The following HMOX2 variants were observed in gnomAD, a reference collection of about 807,000 sequenced individuals.
The protein encoded by HMOX2 is heme oxygenase (decycling) 2.
A neutral mutation model predicts 33.7 loss-of-function variants in HMOX2; 30 were observed. The ratio of observed to expected loss-of-function variants is 0.89; its 90% CI spans 0.67 to 1.21. HMOX2 has a LOEUF of 1.21. Ranked by LOEUF, HMOX2 falls within the 50% of genes most tolerant of loss-of-function variation. The pLI is 0.00. For missense variants in HMOX2, 403 were observed against 399.1 expected, an observed-to-expected ratio of 1.01 and a Z score of -0.08; for synonymous variants, 155 against 155.0, an observed-to-expected ratio of 1.00 and a Z score of 0.00.
chr16:4,497,144 C>T lies in HMOX2; in HGVS notation c.-41-8340C>T, dbSNP rs907536599. 2.6e-5 allele frequency among the ~76,000 whole-genome samples: 4 copies of T among 152,154 alleles called. No individual in the cohort carries two copies. The South Asian group carries it at 8.3e-4, about 32-fold the overall frequency. Reference sequence around the variant, plus strand: ...TCCCTCCACCCCCAAATGCTATTCACAGTCCTTGTTTATGATAGAAGCTGA... The same window carrying T: ...TCCCTCCACCCCCAAATGCTATTCATAGTCCTTGTTTATGATAGAAGCTGA... On this transcript the variant is annotated intron_variant, in intron 1 of 5. Transcript: ENST00000570646.
intron 1 of HMOX2, among the ~76,000 whole-genome samples, chr16:4,503,324 GC>G (rs1381369559): frequency 6.6e-6 from 1 of 152,046 alleles, no homozygotes; most frequent in African/African-American, 2.4e-5. Context: ...CCCTCCCCCA[GC>G]CCTGCCCCAA....
chr16:4,501,262 A>G (rs1040748661), intron 1 of HMOX2, among the ~76,000 whole-genome samples: 1 of 152,184 alleles, frequency 6.6e-6, no homozygotes, highest in African/African-American at 2.4e-5. Flanking sequence ...ATAGCTCTCC[A>G]AATTTCCCAC....
At chr16:4,485,570 G>A (rs2058146933) in intron 1 of HMOX2, among the ~76,000 whole-genome samples, 1 of 152,112 alleles carries the variant, frequency 6.6e-6, no homozygotes. Flanking sequence ...TTAGGACAGA[G>A]GAGGAAGGGA....
chr16:4,490,349 C>T (rs2058275311), intron 1 of HMOX2, among the ~76,000 whole-genome samples: 1 of 152,108 alleles, frequency 6.6e-6, no homozygotes, highest in Non-Finnish European at 1.5e-5. Context: ...ATCCTCCCTG[C>T]AGTTCACTGA....
At chr16:4,477,567 C>G (rs2057898115) in intron 1 of HMOX2, among the ~76,000 whole-genome samples, 1 of 149,808 alleles carries the variant, frequency 6.7e-6, no homozygotes, top group African/African-American at 2.5e-5. Context: ...GCTGTCCATC[C>G]TTACGTACTG....
At chr16:4,507,572 G>A in intron 3 of HMOX2, 141 bp from the exon 4 acceptor site, 1 of 813,924 alleles carries the variant, frequency 1.2e-6, no homozygotes, top group Non-Finnish European at 1.9e-6. Context: ...AAGCTTCCTT[G>A]TGTGTTAAAT....
At chr16:4,495,215 C>G (rs1302502110) in intron 1 of HMOX2, among the ~76,000 whole-genome samples, 1 of 152,154 alleles carries the variant, frequency 6.6e-6, no homozygotes, top group Non-Finnish European at 1.5e-5. Context: ...TTTAGGCACT[C>G]TTGGTGCCTT....
intron 1 of HMOX2, among the ~76,000 whole-genome samples, chr16:4,480,470 T>C (rs2057993577): frequency 1.3e-5 from 2 of 148,682 alleles, no homozygotes; most frequent in Admixed American, 1.3e-4. Flanking sequence ...TCAGCCTCCC[T>C]AGTAGCTGGG....
chr16:4,503,946 T>C (rs575067438), intron 1 of HMOX2, among the ~76,000 whole-genome samples: 1 of 152,348 alleles, frequency 6.6e-6, no homozygotes, highest in Non-Finnish European at 1.5e-5. Flanking sequence ...CTTTGTGAGT[T>C]ACTTTATTAG....
chr16:4,481,340 C>T (rs1166862170), intron 1 of HMOX2, among the ~76,000 whole-genome samples: 2 of 120,254 alleles, frequency 1.7e-5, no homozygotes, highest in African/African-American at 6.0e-5. Flanking sequence ...CAGAGCGAGA[C>T]TCCGTCTCAA....
chr16:4,500,901 C>G (rs1252163320), intron 1 of HMOX2, among the ~76,000 whole-genome samples: 1 of 152,168 alleles, frequency 6.6e-6, no homozygotes, highest in Non-Finnish European at 1.5e-5. Context: ...GAATGAGAAT[C>G]AGCAGCTGAT....
rs1474405829 is a variant in HMOX2, at chr16:4,481,191, C to CA, written c.-42+4712dup. ...GAAACCCCGTCTCTACTAAAAAATA[C>CA]AAAAAAAATTAGCCGGGCATGGTGG... On this transcript the variant is annotated intron_variant, in intron 1 of 5. Transcript: ENST00000570646. Among the ~76,000 whole-genome samples, 4 of 150,664 alleles carry CA rather than the reference C, an allele frequency of 2.7e-5. No homozygotes were observed. The East Asian group carries it at 5.9e-4, about 22-fold the overall frequency.
intron 5 of HMOX2, 31 bp from the exon 6 acceptor site, chr16:4,509,598 T>C (rs1311718868): frequency 6.2e-7 from 1 of 1,613,786 alleles, no homozygotes; most frequent in East Asian, 2.2e-5. Context: ...ACTCCACTGA[T>C]GCCATGTCTC....
At chr16:4,507,174 G>A (rs1022318511) in intron 3 of HMOX2, among the ~76,000 whole-genome samples, 162 bp downstream of exon 3, 3 of 152,158 alleles carry the variant, frequency 2.0e-5, no homozygotes, top group Admixed American at 2.0e-4. Flanking sequence ...GCTGGGTACA[G>A]TGGCTCATGT....
intron 1 of HMOX2, among the ~76,000 whole-genome samples, chr16:4,489,287 C>G (rs1309668226): frequency 1.3e-5 from 2 of 152,096 alleles, no homozygotes; most frequent in East Asian, 3.9e-4. Flanking sequence ...TATCTTTCAC[C>G]AAGTGTTTAG....
chr16:4,478,665 C>T lies in HMOX2; in HGVS notation c.-42+2178C>T, dbSNP rs181896265. On this transcript the variant is annotated intron_variant, in intron 1 of 5. Transcript: ENST00000570646. ...CTGTAATCCGAGCTACTTGGGAGGC[C>T]GAGGCAGGAGAATCACTTGAACCTG... Among the ~76,000 whole-genome samples the T allele has an allele frequency of 1.3e-4, 19 of 150,906 alleles. No homozygotes were observed. The South Asian group carries it at 2.9e-3, about 23-fold the overall frequency.
intron 1 of HMOX2, among the ~76,000 whole-genome samples, chr16:4,503,573 G>A (rs528051203): frequency 1.3e-5 from 2 of 152,320 alleles, no homozygotes; most frequent in South Asian, 4.1e-4. Context: ...TCAAAATAAA[G>A]TATGATCATG....
chr16:4,477,640 C>G (rs907954728), intron 1 of HMOX2, among the ~76,000 whole-genome samples: 4 of 151,912 alleles, frequency 2.6e-5, no homozygotes, highest in Non-Finnish European at 5.9e-5. Flanking sequence ...GAAACGCTGG[C>G]CGGTGCAGTG....
chr16:4,475,831 C>G (rs1364142417), upstream of HMOX2: 1 of 151,960 alleles, frequency 6.6e-6, no homozygotes, highest in African/African-American at 2.4e-5. Flanking sequence ...CCCAGCTATT[C>G]GGGAGGTTAA....
Sources: allele counts gnomAD v4.1 joint callset (sites outside exome capture counted in the v4.1 genomes callset), GRCh38; gene constraint gnomAD v4.1.1; transcripts MANE v1.5; gene names NCBI Gene and HGNC (gene_info 2026-07-23, HGNC 2026-07-21).